The following CEP57 variants were observed in gnomAD, a reference collection of about 807,000 sequenced individuals.
CEP57 encodes centrosomal protein of 57 kDa.
In CEP57, 40 loss-of-function variants were observed where a neutral mutation model predicts 68.0. The ratio of observed to expected loss-of-function variants is 0.59; its 90% CI spans 0.46 to 0.77. The LOEUF (loss-of-function observed/expected upper bound fraction) is 0.77, where lower values mean the gene tolerates loss of function less well. CEP57 is among the 30% of genes least tolerant of loss of function. The probability of loss-of-function intolerance (pLI) is 0.00; values close to 1 mark genes in which losing one functional copy is unlikely to be tolerated. For missense variants in CEP57, 606 were observed against 580.7 expected, an observed-to-expected ratio of 1.04 and a Z score of -0.45; for synonymous variants, 219 against 198.7, an observed-to-expected ratio of 1.10 and a Z score of -0.86.
chr11:95,798,231 GT>G lies in CEP57; in HGVS notation c.46-997del, dbSNP rs1458382423. Among the ~76,000 whole-genome samples, 11 of 152,062 alleles carry G rather than the reference GT, an allele frequency of 7.2e-5. No homozygotes were observed. The East Asian group carries it at 2.1e-3, about 29-fold the overall frequency. ...TTTTATATTTATATAAATAGAAAAT[GT>G]TTTATATTTGCTTTCTTAAATCACC... On this transcript the variant is annotated intron_variant, in intron 1 of 10. Transcript: ENST00000325542.
chr11:95,824,906 A>G (rs746557670), intron 8 of CEP57, among the ~76,000 whole-genome samples: 20 of 152,286 alleles, frequency 1.3e-4, no homozygotes, highest in South Asian at 1.2e-3. Flanking sequence ...CTTTTTCTAA[A>G]CTGGATTTAG....
At chr11:95,822,084 TTTCA>T in intron 7 of CEP57, 106 bp downstream of exon 7, 1 of 783,580 alleles carries the variant, frequency 1.3e-6, no homozygotes, top group Non-Finnish European at 2.2e-6. Context: ...AGAGTAAATC[TTTCA>T]TTCTCAATTT....
intron 2 of CEP57, among the ~76,000 whole-genome samples, chr11:95,809,247 GC>G (rs1165367727): frequency 1.3e-5 from 2 of 152,042 alleles, no homozygotes; most frequent in Non-Finnish European, 2.9e-5. Flanking sequence ...ACAAGAGAAA[GC>G]AGGAAAGATC....
At chr11:95,806,665 G>A (rs971506826) in intron 2 of CEP57, among the ~76,000 whole-genome samples, 2 of 152,224 alleles carry the variant, frequency 1.3e-5, no homozygotes, top group Non-Finnish European at 2.9e-5. Context: ...GCTGCAGCGA[G>A]GCTGGGGGAG....
In CEP57 at chr11:95,831,917, G is replaced by C. The variant is rs949254612; in HGVS notation, c.*661G>C. Reference sequence around the variant, plus strand: ...AAAAATTATAAAAGGATTTTTGAAAGTATAAACAAATTGTCAGTGAAATAA... The same window carrying C: ...AAAAATTATAAAAGGATTTTTGAAACTATAAACAAATTGTCAGTGAAATAA... On this transcript the variant is annotated 3_prime_UTR_variant, in exon 11 of 11. Transcript: ENST00000325542. The C allele has an allele frequency of 3.3e-5, 5 of 152,090 alleles. No homozygotes were observed. The highest frequency in any genetic ancestry group is 1.2e-4 in the African/African-American group (5 of 41,414). The allele number at this position is 152,090 out of a possible 1,614,324, so 9.4% of individuals were successfully genotyped here.
rs764244846 is a variant in CEP57 at position 95,822,015 on chromosome 11, T to G, written c.807+37T>G. 23 of 1,385,312 alleles carry G rather than the reference T, an allele frequency of 1.7e-5. No individual in the cohort carries two copies. In the South Asian group the frequency reaches 2.7e-4, roughly 16 times the overall value. 85.8% of individuals were successfully genotyped at this position (1,385,312 alleles called of 1,614,324 possible). ...GAACCAAATCAGGCAAAATGCTGAT[T>G]ACTTGGTATAGTTTATGTCAAAACA... On this transcript the variant is annotated intron_variant, in intron 7 of 10. Transcript: ENST00000325542.
intron 2 of CEP57, among the ~76,000 whole-genome samples, chr11:95,801,183 A>G (rs950249242): frequency 6.6e-6 from 1 of 152,234 alleles, no homozygotes; most frequent in African/African-American, 2.4e-5. Flanking sequence ...TCCAAATACC[A>G]GCTTAAATCC....
intron 8 of CEP57, chr11:95,823,365 G>T (rs975416118): frequency 1.3e-5 from 2 of 152,102 alleles, no homozygotes; most frequent in Non-Finnish European, 2.9e-5. Context: ...TCTACTTACA[G>T]GCAGATTTTT....
Position 95,790,602 on chromosome 11 carries a change from T to G in CEP57, c.-97T>G. The G allele has an allele frequency of 2.0e-6, 3 of 1,465,054 alleles. No individual in the cohort carries two copies. Among genetic ancestry groups the G allele is most frequent in the Non-Finnish European group, 2.8e-6 (3 of 1,065,292 alleles). The allele number at this position is 1,465,054 out of a possible 1,614,324, so 90.8% of individuals were successfully genotyped here. On this transcript the variant is annotated 5_prime_UTR_variant, in exon 1 of 11. Transcript: ENST00000325542. ...GCCCTTTTCCATCAGGGGTTCAGCC[T>G]AGGGTCCCCGCTGGTGGGCGGCTCC...
intron 1 of CEP57, among the ~76,000 whole-genome samples, chr11:95,792,005 C>T (rs1229252750): frequency 6.6e-6 from 1 of 152,002 alleles, no homozygotes; most frequent in African/African-American, 2.4e-5. Context: ...GTTGGAAACG[C>T]TAAGAAAGCC....
chr11:95,814,712 A>G, intron 4 of CEP57, among the ~76,000 whole-genome samples: 1 of 152,136 alleles, frequency 6.6e-6, no homozygotes, highest in East Asian at 1.9e-4. Context: ...ATGAATCTAG[A>G]GTTTGCATTC....
At chr11:95,800,878 A>G (rs989026090) in intron 2 of CEP57, among the ~76,000 whole-genome samples, 1 of 152,188 alleles carries the variant, frequency 6.6e-6, no homozygotes, top group Non-Finnish European at 1.5e-5. Context: ...CACCTACCTC[A>G]TACTTTGTGT....
chr11:95,813,629 T>C (rs764484462), intron 4 of CEP57, 40 bp downstream of exon 4: 3 of 1,609,510 alleles, frequency 1.9e-6, no homozygotes, highest in South Asian at 1.1e-5. Flanking sequence ...CAAGAACAGT[T>C]ATGGGGAAAA....
At position 95,827,881 on chromosome 11, in the gene CEP57, C is replaced by T; in HGVS notation, c.981C>T (p.Ile327=). 6.2e-7 allele frequency: 1 copy of T among 1,614,060 alleles called. No individual in the cohort carries two copies. The highest frequency in any genetic ancestry group is 8.5e-7 in the Non-Finnish European group (1 of 1,180,010). Residue 327 remains isoleucine, a synonymous_variant, in exon 9 of 11, where the codon ATC becomes ATT. Transcript: ENST00000325542. ...HSKALCNDRV[I]NSIPLAKQVS... is the part of the protein sequence containing the mutation. ...AAGCTTTGTGCAATGATCGAGTCAT[C>T]AACAGTATTCCTTTGGCAAAGCAAG...
chr11:95,817,358 T>C (rs1395691663), intron 4 of CEP57, among the ~76,000 whole-genome samples: 2 of 151,956 alleles, frequency 1.3e-5, no homozygotes, highest in African/African-American at 2.4e-5. Context: ...AGAGCGAGAC[T>C]CTATCTCAAA....
chr11:95,828,050 A>T lies in CEP57; in HGVS notation c.1127+23A>T, dbSNP rs575539389. The stretch of plus-strand genomic sequence containing the variant: ...CTTGTGAGTTTTTGTTTTTTTTTTT[A>T]AATTCAGTTTAGCTCTAAAACCTCA... On this transcript the variant is annotated intron_variant, in intron 9 of 10. Transcript: ENST00000325542. 561 of 1,589,428 alleles carry T rather than the reference A, an allele frequency of 3.5e-4. 7 individuals carry two copies. The South Asian group carries it at 5.6e-3, about 16-fold the overall frequency.
intron 10 of CEP57, among the ~76,000 whole-genome samples, chr11:95,830,402 T>C (rs965048290): frequency 6.6e-6 from 1 of 152,192 alleles, no homozygotes; most frequent in African/African-American, 2.4e-5. Context: ...TCTAATTTGT[T>C]GCTTATACTA....
At chr11:95,795,288 A>T (rs1208188674) in intron 1 of CEP57, among the ~76,000 whole-genome samples, 1 of 152,068 alleles carries the variant, frequency 6.6e-6, no homozygotes, top group African/African-American at 2.4e-5. Flanking sequence ...CATGTCTTGT[A>T]TATTGTTCAG....
rs548599604 is a variant in CEP57, at chr11:95,832,393, A to C, written c.*1137A>C. On this transcript the variant is annotated 3_prime_UTR_variant, in exon 11 of 11. Transcript: ENST00000325542. Reference sequence around the variant, plus strand: ...TAGAAAGAGAGCCCAAGAATATTAGATTTCCTCATGATACAAGATACTACA... The same window carrying C: ...TAGAAAGAGAGCCCAAGAATATTAGCTTTCCTCATGATACAAGATACTACA... 1 of 152,218 alleles carries C rather than the reference A, an allele frequency of 6.6e-6. No individual in the cohort carries two copies. Among genetic ancestry groups the C allele is most frequent in the African/African-American group, 2.4e-5 (1 of 41,546 alleles). The allele number at this position is 152,218 out of a possible 1,614,324, so 9.4% of individuals were successfully genotyped here. A position where few individuals can be genotyped will look rare whatever the true frequency, so the allele number is the denominator to read the frequency against.
Sources: allele counts gnomAD v4.1 joint callset (sites outside exome capture counted in the v4.1 genomes callset), GRCh38; gene constraint gnomAD v4.1.1; transcripts MANE v1.5; gene names NCBI Gene and HGNC (gene_info 2026-07-23, HGNC 2026-07-21).